THBS4: variants seen among roughly 807,000 people sequenced by gnomAD.
The protein encoded by THBS4 is thrombospondin 4.
Under a neutral mutation model 115.7 loss-of-function variants are expected in THBS4, and 90 were observed. That is an observed-to-expected ratio of 0.78 (90% CI 0.66 to 0.93). The LOEUF (loss-of-function observed/expected upper bound fraction) is 0.93. Ranked by LOEUF, THBS4 falls within the 40% of genes least tolerant of loss-of-function variation. The pLI is 0.00. For synonymous variants in THBS4, 460 were observed against 479.3 expected (o/e 0.96, Z 0.53); for missense variants, 1,087 against 1,232.7 (o/e 0.88, Z 1.77).
intron 2 of THBS4, among the ~76,000 whole-genome samples, chr5:80,001,754 T>A (rs1409636669): frequency 6.6e-6 from 1 of 152,138 alleles, no homozygotes; most frequent in African/African-American, 2.4e-5. Flanking sequence ...TAGATAATGA[T>A]GAGAAATAAG....
At chr5:79,998,016 A>G (rs912978760) in intron 1 of THBS4, among the ~76,000 whole-genome samples, 22 of 152,234 alleles carry the variant, frequency 1.4e-4, no homozygotes, top group Non-Finnish European at 2.6e-4. Flanking sequence ...TTTGCAAAAC[A>G]TATATCTGTT....
At chr5:80,048,945 C>T (rs1410922985) in intron 2 of THBS4, among the ~76,000 whole-genome samples, 3 of 152,156 alleles carry the variant, frequency 2.0e-5, no homozygotes, top group Admixed American at 2.0e-4. Context: ...GAAAGATTGA[C>T]AATGATGGCT....
At chr5:80,024,414 A>G (rs1832435866) in intron 2 of THBS4, among the ~76,000 whole-genome samples, 1 of 152,180 alleles carries the variant, frequency 6.6e-6, no homozygotes, top group Non-Finnish European at 1.5e-5. Context: ...GAGAGCCATG[A>G]TATGTTACGC....
intron 2 of THBS4, among the ~76,000 whole-genome samples, chr5:80,040,725 T>A (rs1441388810): frequency 1.3e-5 from 2 of 152,230 alleles, no homozygotes; most frequent in Non-Finnish European, 2.9e-5. Flanking sequence ...CATTTTGTGT[T>A]GCTATAAAAG....
chr5:80,021,608 G>A (rs1832379019), intron 2 of THBS4, among the ~76,000 whole-genome samples: 1 of 152,006 alleles, frequency 6.6e-6, no homozygotes, highest in African/African-American at 2.4e-5. Context: ...CCAGACTCAA[G>A]GGATCTTTGC....
At chr5:80,054,159 C>CTTTTTTTT (rs757155578) in intron 2 of THBS4, among the ~76,000 whole-genome samples, 2 of 88,584 alleles carry the variant, frequency 2.3e-5, no homozygotes, top group African/African-American at 7.4e-5. Context: ...CTTTTCTTTT[C>CTTTTTTTT]TTTTTTTTTT....
intron 2 of THBS4, among the ~76,000 whole-genome samples, chr5:80,004,699 TG>T (rs1366902686): frequency 1.3e-5 from 2 of 152,220 alleles, no homozygotes; most frequent in African/African-American, 4.8e-5. Context: ...CAATTACACA[TG>T]GCAAGTGAAA....
chr5:80,068,406 G>A (rs1229570449), intron 10 of THBS4: 4 of 373,774 alleles, frequency 1.1e-5, no homozygotes, highest in African/African-American at 4.2e-5. Flanking sequence ...CAGCTCCCAA[G>A]CACCTTCTAT....
intron 2 of THBS4, among the ~76,000 whole-genome samples, chr5:80,046,309 C>T (rs2112052372): frequency 6.6e-6 from 1 of 152,324 alleles, no homozygotes; most frequent in South Asian, 2.1e-4. Flanking sequence ...ATTAACTATT[C>T]AGGAGCAGAT....
At chr5:80,079,697 A>C (rs1743393616) in intron 19 of THBS4, among the ~76,000 whole-genome samples, 1 of 152,204 alleles carries the variant, frequency 6.6e-6, no homozygotes, top group African/African-American at 2.4e-5. Context: ...CAAACATGGA[A>C]TGTGTAATGG....
At chr5:80,070,084 G>A (rs1397392016) in intron 10 of THBS4, among the ~76,000 whole-genome samples, 2 of 151,352 alleles carry the variant, frequency 1.3e-5, no homozygotes, top group East Asian at 3.9e-4. Flanking sequence ...AAGTGGGAGT[G>A]GGAGGGAGAG....
rs148268901 is a variant in THBS4, at chr5:80,024,150, A to C, written n.178-15927A>C. ...TCATCCTCCAACTAAGAACAGTACT[A>C]TTGGCTTTTCCACTCACCTGAAAAC... On this transcript the variant is annotated intron_variant and non_coding_transcript_variant, in intron 2 of 3. Coordinates refer to the THBS4 transcript ENST00000510218. 1.5e-3 allele frequency among the ~76,000 whole-genome samples: 234 copies of C among 152,220 alleles called. 1 individual carries two copies. Among genetic ancestry groups the C allele is most frequent in the African/African-American group, 5.4e-3 (223 of 41,532 alleles).
chr5:80,020,136 G>C (rs986683700), intron 2 of THBS4, among the ~76,000 whole-genome samples: 8 of 152,300 alleles, frequency 5.3e-5, no homozygotes, highest in Admixed American at 3.9e-4. Context: ...AAAAGTGAAC[G>C]TAAATGAAGG....
chr5:80,082,205 C>A, intron 20 of THBS4: 1 of 573,104 alleles, frequency 1.7e-6, no homozygotes, highest in South Asian at 2.7e-5. Context: ...CGGACACACA[C>A]GGTCCCTGCC....
chr5:80,035,479 C>T lies in THBS4; in HGVS notation c.-59C>T. 1 of 1,221,064 alleles carries T rather than the reference C, an allele frequency of 8.2e-7. No individual in the cohort carries two copies. Among genetic ancestry groups the T allele is most frequent in the East Asian group, 3.2e-5 (1 of 31,280 alleles). 75.6% of individuals were successfully genotyped at this position (1,221,064 alleles called of 1,614,324 possible). On this transcript the variant is annotated 5_prime_UTR_variant, in exon 1 of 22. Transcript: ENST00000350881. The surrounding 1 kb of genome is among the most constrained non-coding windows in gnomAD (Gnocchi z 4.6). ...AGGTTCAACGCACGGCCCGGGGACC[C>T]CCAGGCGGGGCCAACGCCGCCGTCG...
chr5:80,045,812 T>C (rs1449487659), intron 2 of THBS4, among the ~76,000 whole-genome samples: 1 of 152,188 alleles, frequency 6.6e-6, no homozygotes, highest in East Asian at 1.9e-4. Flanking sequence ...ATTACAGCCG[T>C]GAGCAACCAT....
intron 2 of THBS4, among the ~76,000 whole-genome samples, chr5:80,026,781 TAA>T (rs1832485028): frequency 6.6e-6 from 1 of 152,264 alleles, no homozygotes; most frequent in Non-Finnish European, 1.5e-5. Context: ...GTCCCTGGTC[TAA>T]AACTTTTAAT....
chr5:80,073,372 G>A (rs573362623), intron 15 of THBS4, 45 bp downstream of exon 15: 21 of 1,584,408 alleles, frequency 1.3e-5, no homozygotes, highest in East Asian at 6.7e-5. Context: ...GCAAACATCC[G>A]GAGAGGGTTT....
chr5:80,051,335 AAATAAGT>A (rs1833250035), intron 2 of THBS4, among the ~76,000 whole-genome samples: 4 of 31,954 alleles, frequency 1.3e-4, no homozygotes, highest in Admixed American at 2.9e-4. Flanking sequence ...TCTGATAATA[AAATAAGT>A]GTAGAGGCAC....
Sources: allele counts gnomAD v4.1 joint callset (sites outside exome capture counted in the v4.1 genomes callset), GRCh38; gene constraint gnomAD v4.1.1; non-coding constraint Gnocchi (gnomAD v3.1); transcripts MANE v1.5; gene names NCBI Gene and HGNC (gene_info 2026-07-23, HGNC 2026-07-21).